RNF13: variants seen among roughly 807,000 people sequenced by gnomAD.
RNF13 encodes the protein ring finger protein 13, also known as E3 ubiquitin-protein ligase RNF13.
Under a neutral mutation model 37.7 loss-of-function variants are expected in RNF13, and 19 were observed. That is an observed-to-expected ratio of 0.50 (90% CI 0.35 to 0.74). The LOEUF is 0.74. RNF13 is among the 30% of genes least tolerant of loss of function. The probability of loss-of-function intolerance (pLI) is 0.01; values close to 1 mark genes in which losing one functional copy is unlikely to be tolerated. For missense variants in RNF13, 375 were observed against 453.0 expected, an observed-to-expected ratio of 0.83 and a Z score of 1.56; for synonymous variants, 144 against 157.8, an observed-to-expected ratio of 0.91 and a Z score of 0.65.
chr3:149,948,274 A>G (rs1219310305), intron 8 of RNF13, among the ~76,000 whole-genome samples: 3 of 152,074 alleles, frequency 2.0e-5, no homozygotes, highest in Non-Finnish European at 4.4e-5. Flanking sequence ...ATATAAAATG[A>G]TTTTCTTGTA....
chr3:149,855,648 C>T (rs1723579150), intron 3 of RNF13, among the ~76,000 whole-genome samples: 1 of 149,910 alleles, frequency 6.7e-6, no homozygotes, highest in Non-Finnish European at 1.5e-5. Context: ...TTTTTTTCCC[C>T]CAAAGTTGTT....
chr3:149,923,284 C>A (rs774720681), intron 8 of RNF13, among the ~76,000 whole-genome samples: 24 of 151,936 alleles, frequency 1.6e-4, no homozygotes, highest in Non-Finnish European at 2.2e-4. Context: ...GAGATGGGGT[C>A]TCACTGTGTT....
intron 1 of RNF13, among the ~76,000 whole-genome samples, chr3:149,831,370 G>A (rs1044180017): frequency 3.3e-5 from 5 of 152,166 alleles, no homozygotes; most frequent in Non-Finnish European, 5.9e-5. Flanking sequence ...CCAAGTCTGC[G>A]GGAGCCCACC....
At position 149,902,054 on chromosome 3, in the gene RNF13, C is replaced by A. The variant is rs1715898050; in HGVS notation, c.410-18C>A. On this transcript the variant is annotated intron_variant, in intron 5 of 9. Transcript: ENST00000392894. ...AAATATGGGCTTTTAAGAATAATTT[C>A]ATTATTCTTTTATACAGTTGAGGTA... 7.2e-6 allele frequency: 8 copies of A among 1,114,600 alleles called. No individual in the cohort carries two copies. Among genetic ancestry groups the A allele is most frequent in the Non-Finnish European group, 1.0e-5 (8 of 803,768 alleles). The allele number at this position is 1,114,600 out of a possible 1,614,324, so 69.0% of individuals were successfully genotyped here.
chr3:149,881,795 T>C (rs1292474909), intron 4 of RNF13, among the ~76,000 whole-genome samples: 1 of 152,196 alleles, frequency 6.6e-6, no homozygotes, highest in African/African-American at 2.4e-5. Context: ...ACCTCTAAGC[T>C]TAACATGTAC....
At chr3:149,821,297 C>T (rs988376798) in intron 1 of RNF13, among the ~76,000 whole-genome samples, 1 of 152,104 alleles carries the variant, frequency 6.6e-6, no homozygotes, top group African/African-American at 2.4e-5. Context: ...TGTGAGGGTT[C>T]CAATTTCCCT....
At chr3:149,937,088 C>G (rs1198448539) in intron 8 of RNF13, among the ~76,000 whole-genome samples, 11 of 152,174 alleles carry the variant, frequency 7.2e-5, no homozygotes, top group Admixed American at 7.2e-4. Flanking sequence ...TGCTGATCCA[C>G]TGTCCCTCTG....
At chr3:149,843,330 AG>A (rs1297790528) in intron 1 of RNF13, among the ~76,000 whole-genome samples, 2 of 152,324 alleles carry the variant, frequency 1.3e-5, no homozygotes, top group East Asian at 3.9e-4. Flanking sequence ...ATGGATACCA[AG>A]GGACAACTCT....
At chr3:149,937,530 AT>A (rs1719823086) in intron 8 of RNF13, among the ~76,000 whole-genome samples, 1 of 151,834 alleles carries the variant, frequency 6.6e-6, no homozygotes, top group Non-Finnish European at 1.5e-5. Context: ...GTTGTTTTTC[AT>A]TTTCTGTACG....
At chr3:149,871,601 C>T (rs147335789) in intron 3 of RNF13, among the ~76,000 whole-genome samples, 17 of 151,724 alleles carry the variant, frequency 1.1e-4, no homozygotes, top group Admixed American at 3.9e-4. Flanking sequence ...TCCACATACA[C>T]CTTACATACT....
intron 9 of RNF13, 95 bp from the exon 10 acceptor site, chr3:149,960,645 A>T (rs1190853383): frequency 1.4e-5 from 17 of 1,220,870 alleles, no homozygotes; most frequent in Middle Eastern, 4.0e-4. Flanking sequence ...TCCCTACATG[A>T]TACATACAGA....
chr3:149,934,159 G>T (rs536623226), intron 8 of RNF13, among the ~76,000 whole-genome samples: 2 of 152,072 alleles, frequency 1.3e-5, no homozygotes, highest in South Asian at 4.1e-4. Flanking sequence ...TATCTAATTT[G>T]TTGGCATATA....
At chr3:149,866,112 A>G (rs1724797168) in intron 3 of RNF13, among the ~76,000 whole-genome samples, 1 of 151,264 alleles carries the variant, frequency 6.6e-6, no homozygotes, top group Non-Finnish European at 1.5e-5. Flanking sequence ...TGGCACTGGT[A>G]GTGTTATAGG....
At chr3:149,866,771 C>G (rs777231101) in intron 3 of RNF13, among the ~76,000 whole-genome samples, 1 of 151,900 alleles carries the variant, frequency 6.6e-6, no homozygotes, top group African/African-American at 2.4e-5. Flanking sequence ...TTTTAAATTT[C>G]TTTTCTTAAT....
At chr3:149,875,452 A>G (rs1712573656) in intron 4 of RNF13, among the ~76,000 whole-genome samples, 1 of 152,194 alleles carries the variant, frequency 6.6e-6, no homozygotes, top group Non-Finnish European at 1.5e-5. Context: ...TTTAAAAGGA[A>G]ATGAATAAGT....
intron 1 of RNF13, among the ~76,000 whole-genome samples, chr3:149,826,168 T>TG (rs1720482555): frequency 1.3e-5 from 2 of 152,210 alleles, no homozygotes; most frequent in Admixed American, 1.3e-4. Flanking sequence ...GCTGAGCTCC[T>TG]TGTCAGAGGG....
intron 8 of RNF13, among the ~76,000 whole-genome samples, chr3:149,959,306 C>T (rs1722159239): frequency 6.6e-6 from 1 of 152,012 alleles, no homozygotes; most frequent in Non-Finnish European, 1.5e-5. Flanking sequence ...GAGACTCCGT[C>T]TCCAAAAACA....
In RNF13 at chr3:149,902,121, A is replaced by G; in HGVS notation, c.459A>G (p.Ser153=). 1 of 1,527,028 alleles carries G rather than the reference A, an allele frequency of 6.5e-7. No homozygotes were observed. The allele number at this position is 1,527,028 out of a possible 1,614,324, so 94.6% of individuals were successfully genotyped here. The part of the protein sequence containing the change: ...IDIPSVFIGE[S]SANSLKDEFT... ...TTCCATCTGTCTTTATTGGTGAATC[A>G]TCAGCTAATTCTCTGAAAGATGAAT... The change falls in exon 6 of 10, where the codon TCA becomes TCG. Residue 153 remains serine, a synonymous_variant. Coordinates refer to ENST00000392894, the MANE Select transcript of RNF13 (RefSeq NM_183381.3).
At chr3:149,945,240 G>A (rs780542015) in intron 8 of RNF13, among the ~76,000 whole-genome samples, 1 of 152,186 alleles carries the variant, frequency 6.6e-6, no homozygotes, top group Admixed American at 6.5e-5. Flanking sequence ...AAGTCAGGTA[G>A]TGTAATGCCT....
Sources: allele counts gnomAD v4.1 joint callset (sites outside exome capture counted in the v4.1 genomes callset), GRCh38; gene constraint gnomAD v4.1.1; transcripts MANE v1.5; gene names NCBI Gene and HGNC (gene_info 2026-07-23, HGNC 2026-07-21).